Variants in FAM107B observed in about 807,000 individuals in gnomAD.
FAM107B encodes the protein family with sequence similarity 107 member B, also known as protein FAM107B.
A neutral mutation model predicts 31.5 loss-of-function variants in FAM107B; 21 were observed. The ratio of observed to expected loss-of-function variants is 0.67; its 90% CI spans 0.47 to 0.96. The LOEUF is 0.96. Among genes scored for constraint, FAM107B ranks in the 40% least tolerant of loss-of-function variants. FAM107B has a pLI of 0.00. For missense variants in FAM107B, 452 were observed against 377.1 expected, an observed-to-expected ratio of 1.20 and a Z score of -1.64; for synonymous variants, 157 against 141.5, an observed-to-expected ratio of 1.11 and a Z score of -0.78.
intron 2 of FAM107B, among the ~76,000 whole-genome samples, chr10:14,558,724 G>A (rs889826472): frequency 6.6e-6 from 1 of 152,182 alleles, no homozygotes; most frequent in African/African-American, 2.4e-5. Flanking sequence ...GCCTTGCTAA[G>A]TGTGTGGAGC....
chr10:14,603,731 C>T (rs1852481413), intron 2 of FAM107B, among the ~76,000 whole-genome samples: 1 of 152,208 alleles, frequency 6.6e-6, no homozygotes. Context: ...GGAAAAGTTA[C>T]TTGCAGACTG....
chr10:14,594,006 G>C (rs1564591827), intron 2 of FAM107B, among the ~76,000 whole-genome samples: 1 of 152,168 alleles, frequency 6.6e-6, no homozygotes, highest in Non-Finnish European at 1.5e-5. Context: ...TAACAGCCTT[G>C]GGGCACTCTG....
chr10:14,607,648 T>C (rs1852627789), intron 2 of FAM107B, among the ~76,000 whole-genome samples: 1 of 152,200 alleles, frequency 6.6e-6, no homozygotes, highest in Non-Finnish European at 1.5e-5. Flanking sequence ...TAGACAGGAC[T>C]CTGGAAAAAG....
At chr10:14,581,180 G>C (rs1169950706) in intron 2 of FAM107B, among the ~76,000 whole-genome samples, 1 of 152,212 alleles carries the variant, frequency 6.6e-6, no homozygotes. Flanking sequence ...AATAACAAGA[G>C]CTGAGTAAGA....
At position 14,749,797 on chromosome 10, in the gene FAM107B, G is replaced by A. The variant is rs770005295; in HGVS notation, c.411+24456C>T. Among the ~76,000 whole-genome samples, 45 of 152,294 alleles carry A rather than the reference G, an allele frequency of 3.0e-4. 1 individual carries two copies. The Middle Eastern group carries it at 0.017, about 58-fold the overall frequency. Reference sequence around the variant, plus strand: ...CAGCAACCATGTCTTTTGAGAAAAGGCACAGTTCCAAAACCACATTATGCC... The same window carrying A: ...CAGCAACCATGTCTTTTGAGAAAAGACACAGTTCCAAAACCACATTATGCC... On this transcript the variant is annotated intron_variant, in intron 1 of 4. Transcript: ENST00000181796.
Position 14,550,081 on chromosome 10 carries a change from C to T in FAM107B, c.470-19566G>A, listed in dbSNP as rs998587770. 2.7e-4 allele frequency among the ~76,000 whole-genome samples: 41 copies of T among 152,138 alleles called. 1 individual carries two copies. Among genetic ancestry groups the T allele is most frequent in the Admixed American group, 2.6e-4 (4 of 15,280 alleles). On this transcript the variant is annotated intron_variant, in intron 2 of 4. Transcript: ENST00000181796. ...TAATTCTGGAGTTAAAAGAGGCCTT[C>T]GAGAAATACCACTTCATTTTAGTGA...
intron 1 of FAM107B, among the ~76,000 whole-genome samples, chr10:14,706,703 G>C (rs989595461): frequency 3.3e-5 from 5 of 152,126 alleles, no homozygotes; most frequent in Non-Finnish European, 5.9e-5. Flanking sequence ...CCTCTTCAAA[G>C]AGTGAGCAGC....
intron 2 of FAM107B, among the ~76,000 whole-genome samples, chr10:14,565,847 G>A (rs1850619817): frequency 6.6e-6 from 1 of 152,156 alleles, no homozygotes; most frequent in South Asian, 2.1e-4. Context: ...GCGCTCAGAG[G>A]GCAGGGGGAT....
At chr10:14,675,400 G>T (rs1396548395) in intron 1 of FAM107B, among the ~76,000 whole-genome samples, 2 of 152,098 alleles carry the variant, frequency 1.3e-5, no homozygotes, top group Non-Finnish European at 2.9e-5. Context: ...GGATCTGTGG[G>T]TAGATGCTTA....
chr10:14,683,499 T>C (rs531983617), intron 1 of FAM107B, among the ~76,000 whole-genome samples: 1 of 152,210 alleles, frequency 6.6e-6, no homozygotes, highest in Non-Finnish European at 1.5e-5. Context: ...TTTGACGCAA[T>C]CTTTTGGCTA....
chr10:14,597,963 A>T (rs1852241924), intron 2 of FAM107B, among the ~76,000 whole-genome samples: 1 of 152,058 alleles, frequency 6.6e-6, no homozygotes, highest in Non-Finnish European at 1.5e-5. Context: ...AAGACAAAAT[A>T]ATAAAAAAAA....
In FAM107B at chr10:14,521,312, T is replaced by A; in HGVS notation, c.805-6A>T. 1 of 1,611,738 alleles carries A rather than the reference T, an allele frequency of 6.2e-7. No homozygotes were observed. The highest frequency in any genetic ancestry group is 8.5e-7 in the Non-Finnish European group (1 of 1,178,546). On this transcript the variant is annotated splice_polypyrimidine_tract_variant and splice_region_variant and intron_variant, in intron 4 of 4. Transcript: ENST00000181796. ...TTCTGCTTCTCAAGTTCAAGCTAAA[T>A]GACATTCAGAAAAGGAAAAATTATT...
intron 1 of FAM107B, among the ~76,000 whole-genome samples, chr10:14,707,694 A>G (rs1468920744): frequency 6.6e-6 from 1 of 152,244 alleles, no homozygotes; most frequent in Non-Finnish European, 1.5e-5. Context: ...GGGAGGGCCC[A>G]AGTATGTATT....
At chr10:14,581,286 C>T (rs984178928) in intron 2 of FAM107B, among the ~76,000 whole-genome samples, 1 of 152,160 alleles carries the variant, frequency 6.6e-6, no homozygotes, top group Non-Finnish European at 1.5e-5. Context: ...TCTGGAGAAA[C>T]ACAGAGGCCC....
At chr10:14,527,999 C>CTTT (rs57985098) in intron 3 of FAM107B, 36 of 307,266 alleles carry the variant, frequency 1.2e-4, no homozygotes, top group East Asian at 5.6e-4. Flanking sequence ...TCTGCCTTTT[C>CTTT]TTTTTTTTTT....
At chr10:14,693,254 T>C (rs980160433) in intron 1 of FAM107B, among the ~76,000 whole-genome samples, 1 of 152,162 alleles carries the variant, frequency 6.6e-6, no homozygotes, top group African/African-American at 2.4e-5. Flanking sequence ...GGTGGGTGGA[T>C]CTCCTGAGGT....
chr10:14,676,274 A>AC (rs142125492), intron 1 of FAM107B, among the ~76,000 whole-genome samples: 5,184 of 152,302 alleles, frequency 0.034, 285 homozygotes, highest in African/African-American at 0.12. Context: ...AATATCCAAC[A>AC]CCACCATATT....
At chr10:14,530,093 G>T in intron 3 of FAM107B, 1 of 423,522 alleles carries the variant, frequency 2.4e-6, no homozygotes, top group Admixed American at 4.1e-5. Context: ...CATTTCAGAA[G>T]GGAACCCGTG....
intron 1 of FAM107B, among the ~76,000 whole-genome samples, chr10:14,748,804 T>G (rs1236984660): frequency 1.3e-5 from 2 of 152,212 alleles, no homozygotes; most frequent in African/African-American, 2.4e-5. Flanking sequence ...CTACAAACCC[T>G]GACTAATACC....
Sources: allele counts gnomAD v4.1 joint callset (sites outside exome capture counted in the v4.1 genomes callset), GRCh38; gene constraint gnomAD v4.1.1; transcripts MANE v1.5; gene names NCBI Gene and HGNC (gene_info 2026-07-23, HGNC 2026-07-21).